The following DGUOK variants were observed in gnomAD, a reference collection of about 807,000 sequenced individuals.
DGUOK encodes the protein deoxyguanosine kinase, mitochondrial.
In DGUOK, 30 loss-of-function variants were observed where a neutral mutation model predicts 36.6. The observed-to-expected ratio is 0.82, with a 90% confidence interval of 0.61 to 1.11. DGUOK has a LOEUF of 1.11. DGUOK is among the 50% of genes most tolerant of loss of function. DGUOK has a pLI of 0.00. For synonymous variants in DGUOK, 145 were observed against 126.3 expected, an observed-to-expected ratio of 1.15 and a Z score of -0.99; for missense variants, 361 against 336.4, an observed-to-expected ratio of 1.07 and a Z score of -0.57.
intron 2 of DGUOK, among the ~76,000 whole-genome samples, chr2:73,942,898 C>T (rs1321948777): frequency 6.6e-6 from 1 of 152,162 alleles, no homozygotes; most frequent in Non-Finnish European, 1.5e-5. Context: ...TTATCATGAT[C>T]AAATGTTGAA....
intron 4 of DGUOK, among the ~76,000 whole-genome samples, chr2:73,954,213 G>A (rs986078522): frequency 2.0e-5 from 3 of 152,112 alleles, no homozygotes; most frequent in Non-Finnish European, 2.9e-5. Context: ...AAGCATGGTG[G>A]TGTGTCTGTA....
rs564149406 is a variant in DGUOK at position 73,958,669 on chromosome 2, A to G, written c.808-41A>G. 29 of 1,582,232 alleles carry G rather than the reference A, an allele frequency of 1.8e-5. No homozygotes were observed. The South Asian group carries it at 2.9e-4, about 16-fold the overall frequency. The stretch of plus-strand genomic sequence containing the variant: ...GGGGTGGACCATTGAAAATTCTGTT[A>G]AAAATGTGAAATTAAACTTCTGATT... On this transcript the variant is annotated intron_variant, in intron 6 of 6. Coordinates refer to ENST00000264093, the MANE Select transcript of DGUOK (RefSeq NM_080916.3).
intron 4 of DGUOK, among the ~76,000 whole-genome samples, chr2:73,954,389 G>T (rs993277770): frequency 6.6e-6 from 1 of 151,876 alleles, no homozygotes; most frequent in Non-Finnish European, 1.5e-5. Flanking sequence ...GGCAACTCAG[G>T]CCGGGCACGG....
At chr2:73,930,015 T>G (rs1353443142) in intron 1 of DGUOK, among the ~76,000 whole-genome samples, 1 of 152,170 alleles carries the variant, frequency 6.6e-6, no homozygotes, top group East Asian at 1.9e-4. Flanking sequence ...GGACAGAGGA[T>G]AGAATTGCTG....
chr2:73,946,755 A>G lies in DGUOK; in HGVS notation c.292A>G (p.Met98Val), dbSNP rs2104944329. The G allele has an allele frequency of 6.2e-7, 1 of 1,614,114 alleles. No homozygotes were observed. The highest frequency in any genetic ancestry group is 8.5e-7 in the Non-Finnish European group (1 of 1,180,032). The part of the protein sequence containing the change: ...TAQSLGNLLD[M>V]MYREPARWSY... The stretch of plus-strand genomic sequence containing the variant: ...CCAAAGTCTTGGAAACTTGCTGGAT[A>G]TGATGTACCGGGAGCCAGCACGATG... The change falls in exon 3 of 7, where the codon ATG becomes GTG. Residue 98 changes from methionine to valine, a missense_variant. By Grantham distance (21) the Met-to-Val change is conservative. Coordinates refer to ENST00000264093, the MANE Select transcript of DGUOK (RefSeq NM_080916.3).
At chr2:73,927,183 C>A in intron 1 of DGUOK, 131 bp downstream of exon 1, 1 of 1,286,376 alleles carries the variant, frequency 7.8e-7, no homozygotes, top group Non-Finnish European at 1.1e-6. Flanking sequence ...CGAGGAGAGC[C>A]TTTCCCCTCG....
chr2:73,927,136 C>T (rs1016921077), intron 1 of DGUOK, 84 bp downstream of exon 1: 14 of 1,575,970 alleles, frequency 8.9e-6, no homozygotes, highest in Non-Finnish European at 1.1e-5. Context: ...CCCGGAATGG[C>T]CTGCGTCTGA....
At chr2:73,955,261 A>T (rs1683002258) in intron 4 of DGUOK, among the ~76,000 whole-genome samples, 2 of 152,160 alleles carry the variant, frequency 1.3e-5, no homozygotes, top group African/African-American at 2.4e-5. Flanking sequence ...GTCACATTTT[A>T]AAAAAATTTA....
intron 3 of DGUOK, 90 bp from the exon 4 acceptor site, chr2:73,950,495 A>T (rs1682626484): frequency 1.4e-6 from 2 of 1,406,912 alleles, no homozygotes; most frequent in African/African-American, 2.8e-5. Flanking sequence ...CAAGTTGGTT[A>T]TTGATTTTTC....
intron 1 of DGUOK, among the ~76,000 whole-genome samples, chr2:73,928,334 G>C (rs1680763049): frequency 1.3e-5 from 2 of 152,136 alleles, no homozygotes; most frequent in Admixed American, 6.6e-5. Context: ...CACCATGTTG[G>C]CCAGGCTGGT....
Position 73,946,857 on chromosome 2 carries a change from C to T in DGUOK, c.394C>T (p.Gln132Ter), listed in dbSNP as rs745436352. The change falls in exon 3 of 7, where the codon CAG (glutamine) becomes TAG (stop). Residue 132 changes from glutamine to a stop codon, truncating the protein, a stop_gained. Coordinates refer to ENST00000264093, the MANE Select transcript of DGUOK (RefSeq NM_080916.3). LOFTEE classifies it high-confidence loss of function. ...GGAGCCCTTCCCTGAGAAACTCTTA[C>T]AGGCCAGGAAGCCAGTACAGATCTT... is the stretch of plus-strand genomic sequence containing the variant. The part of the protein sequence containing the change: ...QLEPFPEKLL[Q>*]ARKPVQIFER... The T allele has an allele frequency of 6.2e-7, 1 of 1,613,842 alleles. No individual in the cohort carries two copies. Among genetic ancestry groups the T allele is most frequent in the Admixed American group, 1.7e-5 (1 of 60,012 alleles).
intron 4 of DGUOK, among the ~76,000 whole-genome samples, chr2:73,952,695 A>G (rs1431679795): frequency 6.6e-6 from 1 of 152,170 alleles, no homozygotes; most frequent in East Asian, 1.9e-4. Context: ...TGAAGCCAGC[A>G]TTGGGGAGGA....
At chr2:73,943,372 G>A (rs113255208) in intron 2 of DGUOK, among the ~76,000 whole-genome samples, 5 of 149,616 alleles carry the variant, frequency 3.3e-5, no homozygotes, top group African/African-American at 1.2e-4. Context: ...TTGCTGCCCA[G>A]GCTGGTCTCG....
chr2:73,944,349 A>G lies in DGUOK; in HGVS notation c.256-2370A>G, dbSNP rs115585336. On this transcript the variant is annotated intron_variant, in intron 2 of 6. Coordinates refer to ENST00000264093, the MANE Select transcript of DGUOK (RefSeq NM_080916.3). Reference sequence around the variant, plus strand: ...AACTGATACTCTGTAAGGATCTTCTAATTCACTAATTAGGTTTACTGCATT... The same window carrying G: ...AACTGATACTCTGTAAGGATCTTCTGATTCACTAATTAGGTTTACTGCATT... Among the ~76,000 whole-genome samples, 623 of 152,268 alleles carry G rather than the reference A, an allele frequency of 4.1e-3. 3 individuals carry two copies. Among genetic ancestry groups the G allele is most frequent in the African/African-American group, 0.014 (589 of 41,564 alleles).
At chr2:73,958,469 G>A (rs932422221) in intron 6 of DGUOK, among the ~76,000 whole-genome samples, 3 of 152,120 alleles carry the variant, frequency 2.0e-5, no homozygotes, top group East Asian at 3.8e-4. Flanking sequence ...ACATGTGCTT[G>A]CCAGCTGACT....
At position 73,938,187 on chromosome 2, in the gene DGUOK, G is replaced by A. The variant is rs114720188; in HGVS notation, c.143-723G>A. ...AAACTTCTGTATTGTTGTGTGTCAA[G>A]TTCTTTCTCTCTTTCAGGTCTTTGC... is the stretch of plus-strand genomic sequence containing the variant. On this transcript the variant is annotated intron_variant, in intron 1 of 6. Coordinates refer to ENST00000264093, the MANE Select transcript of DGUOK (RefSeq NM_080916.3). 2.9e-3 allele frequency among the ~76,000 whole-genome samples: 439 copies of A among 152,232 alleles called. 4 individuals carry two copies. Among genetic ancestry groups the A allele is most frequent in the African/African-American group, 0.01 (417 of 41,528 alleles).
chr2:73,945,821 G>A (rs562932503), intron 2 of DGUOK, among the ~76,000 whole-genome samples: 10 of 152,292 alleles, frequency 6.6e-5, no homozygotes, highest in Non-Finnish European at 1.2e-4. Context: ...ACAGGAGTTC[G>A]AGACCAGCCT....
At chr2:73,927,639 T>C (rs999152240) in intron 1 of DGUOK, among the ~76,000 whole-genome samples, 15 of 152,248 alleles carry the variant, frequency 9.9e-5, no homozygotes, top group Non-Finnish European at 5.9e-5. Flanking sequence ...GCTAGTTGCA[T>C]AATAATTTCT....
At chr2:73,958,052 A>C in intron 5 of DGUOK, 94 bp from the exon 6 acceptor site, 1 of 938,154 alleles carries the variant, frequency 1.1e-6, no homozygotes, top group Middle Eastern at 2.1e-4. Context: ...TTGAATTTAG[A>C]TCTGTTCTCT....
Sources: gnomAD v4.1 joint callset for allele counts (sites outside exome capture counted in the v4.1 genomes callset) on GRCh38, gnomAD v4.1.1 for gene constraint, MANE v1.5 for transcripts, NCBI Gene and HGNC (gene_info 2026-07-23, HGNC 2026-07-21) for gene names.